The following NTF3 variants were observed in gnomAD, a reference collection of about 807,000 sequenced individuals.
NTF3 encodes the protein neurotrophin-3.
Under a neutral mutation model 26.3 loss-of-function variants are expected in NTF3, and 8 were observed. That is an observed-to-expected ratio of 0.30 (90% CI 0.18 to 0.55). NTF3 has a LOEUF of 0.55. Among genes scored for constraint, NTF3 ranks in the 20% least tolerant of loss-of-function variants. NTF3 has a pLI of 0.93. For synonymous variants in NTF3, 154 were observed against 145.5 expected (o/e 1.06, Z -0.42); for missense variants, 276 against 352.9 (o/e 0.78, Z 1.75).
At chr12:5,466,392 C>T (rs904926617) in intron 1 of NTF3, among the ~76,000 whole-genome samples, 16 of 152,310 alleles carry the variant, frequency 1.1e-4, no homozygotes, top group African/African-American at 2.9e-4. Flanking sequence ...TTTGTACAGT[C>T]GAGTTCTAAA....
chr12:5,469,716 TAAC>T (rs1940640759), intron 1 of NTF3, among the ~76,000 whole-genome samples: 2 of 152,216 alleles, frequency 1.3e-5, no homozygotes, highest in African/African-American at 4.8e-5. Flanking sequence ...CATTTCAAAA[TAAC>T]AACAATTTTT....
chr12:5,451,067 A>G (rs1489960965), intron 1 of NTF3, among the ~76,000 whole-genome samples: 1 of 152,076 alleles, frequency 6.6e-6, no homozygotes, highest in African/African-American at 2.4e-5. Flanking sequence ...TTTTTAAATC[A>G]TTTTCCTTCC....
chr12:5,486,698 T>C (rs1940869926), intron 1 of NTF3, among the ~76,000 whole-genome samples: 1 of 152,214 alleles, frequency 6.6e-6, no homozygotes, highest in South Asian at 2.1e-4. Context: ...CTGAAGCAAC[T>C]TCCCCTTGTG....
intron 1 of NTF3, among the ~76,000 whole-genome samples, chr12:5,489,879 CA>C (rs1940912227): frequency 6.6e-6 from 1 of 152,070 alleles, no homozygotes; most frequent in Non-Finnish European, 1.5e-5. Flanking sequence ...TAAACTGAGC[CA>C]AAAAGGAGGA....
chr12:5,463,274 A>G (rs745858439), intron 1 of NTF3, among the ~76,000 whole-genome samples: 4 of 152,208 alleles, frequency 2.6e-5, no homozygotes, highest in Admixed American at 6.5e-5. Flanking sequence ...AATTATACAT[A>G]TAGTGCCTTC....
At chr12:5,471,614 T>G (rs1484308751) in intron 1 of NTF3, among the ~76,000 whole-genome samples, 1 of 151,298 alleles carries the variant, frequency 6.6e-6, no homozygotes, top group Non-Finnish European at 1.5e-5. Flanking sequence ...TCTTTGGAGA[T>G]AAGAAAAGGG....
intron 1 of NTF3, among the ~76,000 whole-genome samples, chr12:5,444,930 C>A (rs1003892142): frequency 6.6e-6 from 1 of 152,162 alleles, no homozygotes; most frequent in African/African-American, 2.4e-5. Flanking sequence ...TTATCTCAGC[C>A]TGGGAGGCCA....
intron 1 of NTF3, among the ~76,000 whole-genome samples, chr12:5,491,916 T>G (rs550535093): frequency 6.6e-6 from 1 of 151,742 alleles, no homozygotes; most frequent in Admixed American, 6.6e-5. Context: ...GGGTTTCACC[T>G]TGTTAGCCAG....
chr12:5,437,903 G>C (rs1565382984), intron 1 of NTF3, among the ~76,000 whole-genome samples: 1 of 152,204 alleles, frequency 6.6e-6, no homozygotes, highest in South Asian at 2.1e-4. Flanking sequence ...TGGGGGACAC[G>C]TGAGCGTAGG....
chr12:5,481,569 A>G (rs1324766025), intron 1 of NTF3, among the ~76,000 whole-genome samples: 1 of 25,328 alleles, frequency 3.9e-5, no homozygotes, highest in Non-Finnish European at 8.5e-5. Context: ...ACACACATAC[A>G]TACATGCACC....
chr12:5,464,805 T>A (rs186601435), intron 1 of NTF3, among the ~76,000 whole-genome samples: 2 of 152,322 alleles, frequency 1.3e-5, no homozygotes, highest in South Asian at 2.1e-4. Flanking sequence ...TTATTGAGTA[T>A]CCTATGTGCT....
At chr12:5,453,647 G>T (rs1940402188) in intron 1 of NTF3, among the ~76,000 whole-genome samples, 1 of 152,220 alleles carries the variant, frequency 6.6e-6, no homozygotes, top group Non-Finnish European at 1.5e-5. Flanking sequence ...GTAGTGAGAG[G>T]ATTTTCTTCT....
At chr12:5,485,551 G>C (rs922137235) in intron 1 of NTF3, among the ~76,000 whole-genome samples, 3 of 152,214 alleles carry the variant, frequency 2.0e-5, no homozygotes, top group African/African-American at 7.2e-5. Context: ...CATGTGAAGT[G>C]TTCCGCACAG....
chr12:5,449,564 C>T (rs569750872), intron 1 of NTF3, among the ~76,000 whole-genome samples: 4 of 152,270 alleles, frequency 2.6e-5, no homozygotes, highest in Non-Finnish European at 4.4e-5. Flanking sequence ...AGCAAAGAAA[C>T]GACTTACCCG....
chr12:5,466,025 C>T (rs188279200), intron 1 of NTF3, among the ~76,000 whole-genome samples: 6 of 152,316 alleles, frequency 3.9e-5, no homozygotes, highest in Admixed American at 3.9e-4. Context: ...GCAAGTCCCC[C>T]AACTTTCAGC....
rs1940984158 is a variant in NTF3, at chr12:5,494,613, A to G, written c.438A>G (p.Thr146=). ...YVGSPVVANR[T]SRRKRYAEHK... ...GCAGCCCCGTGGTGGCGAACAGAAC[A>G]TCACGGCGGAAACGGTACGCGGAGC... is the stretch of plus-strand genomic sequence containing the variant. The change falls in exon 2 of 2, where the codon ACA becomes ACG. Residue 146 remains threonine, a synonymous_variant. Transcript: ENST00000423158. This position sits in a 1 kb window ranked among gnomAD's most constrained non-coding sequence, Gnocchi z 8.3. 1 of 1,614,060 alleles carries G rather than the reference A, an allele frequency of 6.2e-7. No homozygotes were observed. Among genetic ancestry groups the G allele is most frequent in the Non-Finnish European group, 8.5e-7 (1 of 1,180,014 alleles).
At chr12:5,460,002 G>T (rs924403487) in intron 1 of NTF3, among the ~76,000 whole-genome samples, 3 of 152,138 alleles carry the variant, frequency 2.0e-5, no homozygotes, top group Admixed American at 1.3e-4. Flanking sequence ...GGCAGAGCTA[G>T]TCTCCTTTCA....
chr12:5,488,540 A>T (rs567292169), intron 1 of NTF3, among the ~76,000 whole-genome samples: 22 of 152,226 alleles, frequency 1.4e-4, no homozygotes, highest in African/African-American at 5.1e-4. Context: ...AGGCCTCAAG[A>T]CCTATGTTCA....
At chr12:5,492,942 A>G (rs1211467519) in intron 1 of NTF3, among the ~76,000 whole-genome samples, 1 of 152,228 alleles carries the variant, frequency 6.6e-6, no homozygotes, top group Non-Finnish European at 1.5e-5. Flanking sequence ...GAAAATACCA[A>G]AGGTGAACCA....
Sources: gnomAD v4.1 joint callset for allele counts (sites outside exome capture counted in the v4.1 genomes callset) on GRCh38, gnomAD v4.1.1 for gene constraint, Gnocchi (gnomAD v3.1) non-coding constraint, MANE v1.5 for transcripts, NCBI Gene and HGNC (gene_info 2026-07-23, HGNC 2026-07-21) for gene names.